Variants in NUP153 observed in about 807,000 individuals in gnomAD.
The protein encoded by NUP153 is nuclear pore complex protein Nup153.
Under a neutral mutation model 134.6 loss-of-function variants are expected in NUP153, and 27 were observed. That is an observed-to-expected ratio of 0.20 (90% confidence interval 0.15 to 0.28). NUP153 has a LOEUF of 0.28. Among genes scored for constraint, NUP153 ranks in the 10% least tolerant of loss-of-function variants. The probability of loss-of-function intolerance (pLI) is 1.00; values close to 1 mark genes in which losing one functional copy is unlikely to be tolerated. For missense variants in NUP153, 1,821 were observed against 1,731.3 expected (o/e 1.05, Z -0.92); for synonymous variants, 640 against 623.5 (o/e 1.03, Z -0.40).
chr6:17,643,899 C>A (rs573762906), intron 14 of NUP153, among the ~76,000 whole-genome samples: 2 of 152,144 alleles, frequency 1.3e-5, no homozygotes, highest in East Asian at 3.9e-4. Flanking sequence ...CATTTTAATG[C>A]CTTTCCTCAT....
chr6:17,697,048 G>C (rs954692649), intron 1 of NUP153, among the ~76,000 whole-genome samples: 1 of 151,424 alleles, frequency 6.6e-6, no homozygotes, highest in African/African-American at 2.4e-5. Flanking sequence ...TCCAGCCTGG[G>C]CTACAGAGCA....
At chr6:17,657,297 T>C (rs1252850599) in intron 11 of NUP153, among the ~76,000 whole-genome samples, 1 of 151,726 alleles carries the variant, frequency 6.6e-6, no homozygotes, top group African/African-American at 2.4e-5. Flanking sequence ...ATCCCAGCAC[T>C]TTGGGAAGCA....
At position 17,632,645 on chromosome 6, in the gene NUP153, C is replaced by T. The variant is rs1765316600; in HGVS notation, c.2659+5G>A. ...TCACCTTTATTTTTATTTTTTTGGC[C>T]TTACCTTTAAACCCAGATTTTGTGC... is the stretch of plus-strand genomic sequence containing the variant. On this transcript the variant is annotated splice_donor_5th_base_variant and intron_variant, in intron 17 of 21. Coordinates refer to ENST00000262077, the MANE Select transcript of NUP153 (RefSeq NM_005124.4). The T allele has an allele frequency of 3.2e-6, 5 of 1,579,188 alleles. No individual in the cohort carries two copies. The South Asian group carries it at 3.5e-5, about 11-fold the overall frequency.
chr6:17,652,197 A>T (rs1236048355), intron 11 of NUP153, among the ~76,000 whole-genome samples: 1 of 152,224 alleles, frequency 6.6e-6, no homozygotes, highest in Non-Finnish European at 1.5e-5. Context: ...AAGATCTAAT[A>T]CTATCAGCTT....
Position 17,690,680 on chromosome 6 carries a change from A to G in NUP153, c.112-2062T>C, listed in dbSNP as rs569589589. Reference sequence around the variant, plus strand: ...AGTAGGATTTCAAAGAAAGAGTCAAAGAAAGGAAAAAAATGACTCAGTAGG... The same window carrying G: ...AGTAGGATTTCAAAGAAAGAGTCAAGGAAAGGAAAAAAATGACTCAGTAGG... On this transcript the variant is annotated intron_variant, in intron 1 of 21. Coordinates refer to ENST00000262077, the MANE Select transcript of NUP153 (RefSeq NM_005124.4). Among the ~76,000 whole-genome samples the G allele has an allele frequency of 2.6e-5, 4 of 152,302 alleles. No homozygotes were observed. In the East Asian group the frequency reaches 7.7e-4, roughly 29 times the overall value.
At chr6:17,640,190 T>A (rs1425035846) in intron 14 of NUP153, 126 bp from the exon 15 acceptor site, 10 of 678,980 alleles carry the variant, frequency 1.5e-5, no homozygotes, top group Non-Finnish European at 2.0e-5. Flanking sequence ...AAAGTCACTT[T>A]AATTCAATAA....
intron 20 of NUP153, among the ~76,000 whole-genome samples, chr6:17,618,292 C>A (rs4716165): frequency 0.76 from 115,377 of 152,168 alleles, 44,032 homozygotes; most frequent in East Asian, 0.88. Flanking sequence ...ACACTCATAA[C>A]AACTACAGGT....
Position 17,668,982 on chromosome 6 carries a change from C to T in NUP153, c.1061G>A (p.Arg354Lys). 1 of 1,538,714 alleles carries T rather than the reference C, an allele frequency of 6.5e-7. No individual in the cohort carries two copies. The highest frequency in any genetic ancestry group is 1.4e-5 in the African/African-American group (1 of 69,494). The change falls in exon 8 of 22, where the codon AGA (arginine) becomes AAA (lysine). Residue 354 changes from arginine to lysine, a missense_variant. Transcript: ENST00000262077. ...ATGCTAAAGAAGTTTTACCTTTTCT[C>T]TTTTGGCCTGAAAATCTGTGATATC... Reference protein sequence around the residue: ...GIDITDFQAKREKVDSQYPPV... With the variant: ...GIDITDFQAKKEKVDSQYPPV...
In NUP153 at chr6:17,649,166, G is replaced by C; in HGVS notation, c.1530C>G (p.Asn510Lys). Reference sequence around the variant, plus strand: ...TATTTATATAATGGTTTTGTACCTTGTTTGTTAATGCTTGAGACGAATTGA... The same window carrying C: ...TATTTATATAATGGTTTTGTACCTTCTTTGTTAATGCTTGAGACGAATTGA... ...SPINSSQALTNKVQMTSPSST... is the reference protein window; with the variant it reads ...SPINSSQALTKKVQMTSPSST... The change falls in exon 12 of 22, where the codon AAC (asparagine) becomes AAG (lysine). Residue 510 changes from asparagine (N) to lysine (K), a missense_variant. Physicochemically the swap from Asn to Lys is moderately conservative, Grantham distance 94. Coordinates refer to ENST00000262077, the MANE Select transcript of NUP153 (RefSeq NM_005124.4). 1 of 1,610,860 alleles carries C rather than the reference G, an allele frequency of 6.2e-7. No homozygotes were observed. Among genetic ancestry groups the C allele is most frequent in the South Asian group, 1.1e-5 (1 of 90,386 alleles).
Position 17,629,288 on chromosome 6 carries a change from C to T in NUP153, c.2911G>A (p.Glu971Lys), listed in dbSNP as rs767201261. 9.9e-6 allele frequency: 16 copies of T among 1,609,782 alleles called. No individual in the cohort carries two copies. The highest frequency in any genetic ancestry group is 1.4e-5 in the Non-Finnish European group (16 of 1,178,986). ...FGVSSESKPEEVKKDSKNDNF... is the reference protein window; with the variant it reads ...FGVSSESKPEKVKKDSKNDNF... ...TCATTCTTACTATCTTTTTTAACTT[C>T]TTCGGGCTTAGATTCAGATGAAACT... Residue 971 changes from glutamate (E) to lysine (K), a missense_variant, in exon 18 of 22, where the codon GAA (glutamate) becomes AAA (lysine). Transcript: ENST00000262077.
Position 17,616,085 on chromosome 6 carries a change from C to G in NUP153, c.*12G>C, listed in dbSNP as rs745933108. On this transcript the variant is annotated 3_prime_UTR_variant, in exon 22 of 22. Transcript: ENST00000262077. ...GCTGTTGTTAAAATTGAGTACAACACCAATGTGACCTTTATTTCCTGCGTC... is the reference window on the plus strand; with the variant it reads ...GCTGTTGTTAAAATTGAGTACAACAGCAATGTGACCTTTATTTCCTGCGTC... 6.3e-7 allele frequency: 1 copy of G among 1,587,740 alleles called. No homozygotes were observed. Among genetic ancestry groups the G allele is most frequent in the African/African-American group, 1.3e-5 (1 of 74,522 alleles).
Position 17,637,667 on chromosome 6 carries a change from A to C in NUP153, c.1950T>G (p.Ile650Met). The change falls in exon 16 of 22, where the codon ATT becomes ATG. Residue 650 changes from isoleucine (I) to methionine (M), a missense_variant. Ile to Met is a conservative substitution (Grantham distance 10). Coordinates refer to ENST00000262077, the MANE Select transcript of NUP153 (RefSeq NM_005124.4). ...PAISSFSSSG[I>M]GFGESLKAGS... ...CAGCTTTTAAACTCTCCCCAAACCC[A>C]ATTCCACTAGAAGAAAAGCTACTTA... 6.2e-7 allele frequency: 1 copy of C among 1,613,472 alleles called. No homozygotes were observed. Among genetic ancestry groups the C allele is most frequent in the Non-Finnish European group, 8.5e-7 (1 of 1,180,032 alleles).
chr6:17,619,067 C>T (rs1368481579), intron 20 of NUP153, among the ~76,000 whole-genome samples: 1 of 152,166 alleles, frequency 6.6e-6, no homozygotes, highest in Non-Finnish European at 1.5e-5. Flanking sequence ...CATCAAGACA[C>T]ATCCTGATGT....
At chr6:17,697,122 C>G (rs950394269) in intron 1 of NUP153, among the ~76,000 whole-genome samples, 7 of 151,940 alleles carry the variant, frequency 4.6e-5, no homozygotes, top group Non-Finnish European at 7.4e-5. Context: ...AAAGCAAAGT[C>G]CACACTTCAT....
At position 17,692,038 on chromosome 6, in the gene NUP153, G is replaced by A. The variant is rs182188376; in HGVS notation, c.112-3420C>T. Among the ~76,000 whole-genome samples, 6 of 152,276 alleles carry A rather than the reference G, an allele frequency of 3.9e-5. No individual in the cohort carries two copies. In the East Asian group the frequency reaches 5.8e-4, roughly 15 times the overall value. ...CAAGTAAGGTGTTTAGCTACTAAAC[G>A]TATCAGAGATTCCTGTGATCCCTAT... On this transcript the variant is annotated intron_variant, in intron 1 of 21. Transcript: ENST00000262077.
At chr6:17,703,412 A>G (rs1770254776) in intron 1 of NUP153, among the ~76,000 whole-genome samples, 1 of 152,044 alleles carries the variant, frequency 6.6e-6, no homozygotes, top group Admixed American at 6.6e-5. Context: ...CAGACCTCTC[A>G]TTGTTTCTTA....
In NUP153 at chr6:17,649,288, G is replaced by C. The variant is rs1161193348; in HGVS notation, c.1408C>G (p.Pro470Ala). The C allele has an allele frequency of 5.0e-6, 8 of 1,610,514 alleles. No homozygotes were observed. The highest frequency in any genetic ancestry group is 6.8e-6 in the Non-Finnish European group (8 of 1,179,058). ...KPLEEEEMEVPVLPKISLPIT... is the reference protein window; with the variant it reads ...KPLEEEEMEVAVLPKISLPIT... Reference sequence around the variant, plus strand: ...GGTAGAGAGATTTTCGGTAATACTGGAACTTCCATTTCCTAAAACATAACA... The same window carrying C: ...GGTAGAGAGATTTTCGGTAATACTGCAACTTCCATTTCCTAAAACATAACA... Residue 470 changes from proline to alanine, a missense_variant, in exon 12 of 22, where the codon CCA (proline) becomes GCA (alanine). Transcript: ENST00000262077.
At position 17,669,488 on chromosome 6, in the gene NUP153, G is replaced by C; in HGVS notation, c.911C>G (p.Thr304Ser). The C allele has an allele frequency of 1.2e-6, 2 of 1,614,066 alleles. No homozygotes were observed. The highest frequency in any genetic ancestry group is 1.7e-6 in the Non-Finnish European group (2 of 1,179,982). ...KQLSAQSYGV[T>S]SSTARRILQS... Reference sequence around the variant, plus strand: ...CAATATTCGCCGAGCTGTTGAACTGGTCACACCGTAAGATTGTGCACTGAG... The same window carrying C: ...CAATATTCGCCGAGCTGTTGAACTGCTCACACCGTAAGATTGTGCACTGAG... Residue 304 changes from threonine (T) to serine (S), a missense_variant, in exon 6 of 22, where the codon ACC (threonine) becomes AGC (serine). Thr to Ser is a moderately conservative substitution (Grantham distance 58). Coordinates refer to ENST00000262077, the MANE Select transcript of NUP153 (RefSeq NM_005124.4).
In NUP153 at chr6:17,703,135, T is replaced by C. The variant is rs560593564; in HGVS notation, c.111+3142A>G. Among the ~76,000 whole-genome samples the C allele has an allele frequency of 4.7e-5, 7 of 149,746 alleles. No homozygotes were observed. The South Asian group carries it at 8.4e-4, about 18-fold the overall frequency. On this transcript the variant is annotated intron_variant, in intron 1 of 21. Transcript: ENST00000262077. The stretch of plus-strand genomic sequence containing the variant: ...ATGGAATGAACCCAGGAGGCAAAGG[T>C]TGCAGTGAGCCAAGATCGAGCCACT...
Sources: allele counts gnomAD v4.1 joint callset (sites outside exome capture counted in the v4.1 genomes callset), GRCh38; gene constraint gnomAD v4.1.1; transcripts MANE v1.5; gene names NCBI Gene and HGNC (gene_info 2026-07-23, HGNC 2026-07-21).